Variants in CNTN4 observed in about 807,000 individuals in gnomAD.
CNTN4 encodes the protein contactin 4.
A neutral mutation model predicts 122.5 loss-of-function variants in CNTN4; 77 were observed. That is an observed-to-expected ratio of 0.63 (90% CI 0.52 to 0.76). The LOEUF (loss-of-function observed/expected upper bound fraction) is 0.76. CNTN4 is among the 30% of genes least tolerant of loss of function. The pLI, the probability that CNTN4 is intolerant of heterozygous loss-of-function variation, is 0.00. For missense variants in CNTN4, 1,256 were observed against 1,259.1 expected (o/e 1.00, Z 0.04); for synonymous variants, 512 against 447.0 (o/e 1.15, Z -1.83).
At position 2,466,556 on chromosome 3, in the gene CNTN4, G is replaced by A. The variant is rs78169035; in HGVS notation, c.-88-104860G>A. ...GACTGGAATGATTCATTCTTTCAGC[G>A]TGTGATTGTGAGTTTGCTGGTGTGG... is the stretch of plus-strand genomic sequence containing the variant. On this transcript the variant is annotated intron_variant, in intron 3 of 24. Coordinates refer to ENST00000418658, the MANE Select transcript of CNTN4 (RefSeq NM_175607.3). 3.7e-3 allele frequency among the ~76,000 whole-genome samples: 562 copies of A among 152,234 alleles called. 3 individuals are homozygous for A. Among genetic ancestry groups the A allele is most frequent in the Admixed American group, 6.3e-3 (96 of 15,294 alleles).
chr3:3,002,443 TAG>T lies in CNTN4; in HGVS notation c.1486+13983_1486+13984del, dbSNP rs540695061. On this transcript the variant is annotated intron_variant, in intron 14 of 24. Transcript: ENST00000418658. ...AGCTCAAAAAAGAGAGAAACAGAGA[TAG>T]AGAGAGAGAGAAATAATAAAATAGT... Among the ~76,000 whole-genome samples the T allele has an allele frequency of 3.8e-4, 58 of 151,996 alleles. No individual in the cohort carries two copies. In the East Asian group the frequency reaches 5.6e-3, roughly 15 times the overall value.
At chr3:2,594,165 T>A (rs1045954557) in intron 4 of CNTN4, among the ~76,000 whole-genome samples, 2 of 152,152 alleles carry the variant, frequency 1.3e-5, no homozygotes, top group Non-Finnish European at 2.9e-5. Flanking sequence ...TGGCTCTTTG[T>A]CTGGCATTTG....
chr3:2,233,222 C>G (rs1239199446), intron 2 of CNTN4, among the ~76,000 whole-genome samples: 1 of 152,070 alleles, frequency 6.6e-6, no homozygotes, highest in Non-Finnish European at 1.5e-5. Flanking sequence ...TTTTTACATA[C>G]CAGATTCTTC....
intron 11 of CNTN4, among the ~76,000 whole-genome samples, chr3:2,901,095 G>T (rs2094168096): frequency 6.6e-6 from 1 of 152,096 alleles, no homozygotes; most frequent in African/African-American, 2.4e-5. Context: ...AAAAGGTCTG[G>T]AACATGAAAT....
chr3:2,788,099 A>T (rs1267681498), intron 6 of CNTN4, among the ~76,000 whole-genome samples: 1 of 152,122 alleles, frequency 6.6e-6, no homozygotes, highest in Non-Finnish European at 1.5e-5. Context: ...AATAATATAT[A>T]ATGTAATCAT....
chr3:2,838,760 G>T (rs2093287251), intron 7 of CNTN4, among the ~76,000 whole-genome samples: 1 of 152,062 alleles, frequency 6.6e-6, no homozygotes, highest in Admixed American at 6.5e-5. Flanking sequence ...TTCCCAAGGG[G>T]ACTGTATGAA....
chr3:2,691,284 TC>T (rs1455563989), intron 4 of CNTN4, among the ~76,000 whole-genome samples: 1 of 152,166 alleles, frequency 6.6e-6, no homozygotes, highest in Non-Finnish European at 1.5e-5. Flanking sequence ...TAATATGCCC[TC>T]ATCGTTTGTT....
intron 3 of CNTN4, among the ~76,000 whole-genome samples, chr3:2,482,683 C>A (rs1433162211): frequency 6.6e-6 from 1 of 152,144 alleles, no homozygotes; most frequent in Non-Finnish European, 1.5e-5. Context: ...CCACTCCGGC[C>A]GTGGCTAAAA....
At chr3:2,578,172 C>A (rs1056622411) in intron 4 of CNTN4, among the ~76,000 whole-genome samples, 9 of 152,148 alleles carry the variant, frequency 5.9e-5, no homozygotes, top group Admixed American at 1.3e-4. Context: ...GCAATGAGAA[C>A]ACATACAAAG....
chr3:2,748,852 GTACTT>G (rs1303959421), intron 6 of CNTN4, among the ~76,000 whole-genome samples: 3 of 152,152 alleles, frequency 2.0e-5, no homozygotes, highest in Non-Finnish European at 2.9e-5. Context: ...GCCTTCTACT[GTACTT>G]AGAATAAATC....
chr3:2,129,462 TAATC>T (rs1048569773), intron 2 of CNTN4, among the ~76,000 whole-genome samples: 5 of 151,770 alleles, frequency 3.3e-5, no homozygotes, highest in African/African-American at 1.2e-4. Flanking sequence ...CTCTAGGAAA[TAATC>T]AAGTGTTGAT....
At chr3:2,113,237 A>T (rs1435110323) in intron 2 of CNTN4, among the ~76,000 whole-genome samples, 1 of 152,170 alleles carries the variant, frequency 6.6e-6, no homozygotes, top group Non-Finnish European at 1.5e-5. Flanking sequence ...AATAGGGACT[A>T]TTTGAGTTTG....
At chr3:2,313,146 A>G (rs2042972611) in intron 2 of CNTN4, among the ~76,000 whole-genome samples, 1 of 152,054 alleles carries the variant, frequency 6.6e-6, no homozygotes, top group Non-Finnish European at 1.5e-5. Context: ...AACAAAAAAT[A>G]GAAAACAACA....
intron 13 of CNTN4, among the ~76,000 whole-genome samples, chr3:2,961,967 C>G (rs1327276458): frequency 1.3e-5 from 2 of 152,194 alleles, no homozygotes; most frequent in Non-Finnish European, 2.9e-5. Context: ...CCTTCTTCAT[C>G]AAAGTCTTTT....
Position 2,238,745 on chromosome 3 carries a change from T to TTTTTTTTTTTTTTTTTTTTTG in CNTN4, c.-144-100433_-144-100432insTTTTTTTTTTTTTTTTTTTTG, listed in dbSNP as rs1553606665. The stretch of plus-strand genomic sequence containing the variant: ...ATCAGTTGGCTCTGTGTTTTTTTTT[T>TTTTTTTTTTTTTTTTTTTTTG]GAGACGGAGTCTGGCCCTGTCGCCC... On this transcript the variant is annotated intron_variant, in intron 2 of 24. Coordinates refer to ENST00000418658, the MANE Select transcript of CNTN4 (RefSeq NM_175607.3). The TTTTTTTTTTTTTTTTTTTTTG allele has an allele frequency of 2.7e-5, 3 of 109,186 alleles. 1 individual carries two copies. The highest frequency in any genetic ancestry group is 2.0e-4 in the Admixed American group (2 of 9,890). 6.8% of individuals were successfully genotyped at this position (109,186 alleles called of 1,614,324 possible).
At chr3:2,384,258 A>G (rs1463205445) in intron 3 of CNTN4, among the ~76,000 whole-genome samples, 2 of 152,116 alleles carry the variant, frequency 1.3e-5, no homozygotes, top group Non-Finnish European at 2.9e-5. Flanking sequence ...TGGTGTACTG[A>G]TGGACCTGCT....
chr3:2,550,161 A>G (rs1481474386), intron 3 of CNTN4, among the ~76,000 whole-genome samples: 1 of 152,004 alleles, frequency 6.6e-6, no homozygotes, highest in East Asian at 1.9e-4. Context: ...TCCTGGAGTC[A>G]TTGATTTTTT....
chr3:2,225,608 A>AT, intron 2 of CNTN4, among the ~76,000 whole-genome samples: 1 of 152,170 alleles, frequency 6.6e-6, no homozygotes, highest in East Asian at 1.9e-4. Flanking sequence ...GAACAATACT[A>AT]TCTCACGACT....
At chr3:3,039,986 A>T (rs1559821762) in intron 19 of CNTN4, 51 bp from the exon 20 acceptor site, 5 of 1,297,546 alleles carry the variant, frequency 3.9e-6, no homozygotes, top group Non-Finnish European at 4.5e-6. Context: ...CGATTTTTGC[A>T]TTTGAGTGAA....
Sources: gnomAD v4.1 joint callset for allele counts (sites outside exome capture counted in the v4.1 genomes callset) on GRCh38, gnomAD v4.1.1 for gene constraint, MANE v1.5 for transcripts, NCBI Gene and HGNC (gene_info 2026-07-23, HGNC 2026-07-21) for gene names.